C1orf87: variants seen among roughly 807,000 people sequenced by gnomAD.
The protein encoded by C1orf87 is chromosome 1 open reading frame 87.
In C1orf87, 58 loss-of-function variants were observed where a neutral mutation model predicts 60.5. The ratio of observed to expected loss-of-function variants is 0.96; its 90% CI spans 0.78 to 1.19. C1orf87 has a LOEUF of 1.19. Among genes scored for constraint, C1orf87 ranks in the 50% most tolerant of loss-of-function variants. The pLI, the probability that C1orf87 is intolerant of heterozygous loss-of-function variation, is 0.00. For missense variants in C1orf87, 673 were observed against 638.6 expected (o/e 1.05, Z -0.58); for synonymous variants, 236 against 227.4 (o/e 1.04, Z -0.34).
At chr1:60,018,833 C>G (rs754981681) in intron 8 of C1orf87, among the ~76,000 whole-genome samples, 1 of 152,144 alleles carries the variant, frequency 6.6e-6, no homozygotes, top group African/African-American at 2.4e-5. Flanking sequence ...TGGCTCATAA[C>G]CTTTACCCTT....
chr1:60,040,267 G>A, intron 4 of C1orf87, 87 bp from the exon 5 acceptor site: 1 of 1,497,620 alleles, frequency 6.7e-7, no homozygotes, highest in Non-Finnish European at 8.9e-7. Flanking sequence ...CACTGGGGCT[G>A]GTATCTGAGT....
chr1:60,012,212 A>G (rs1645090681), intron 8 of C1orf87, among the ~76,000 whole-genome samples: 1 of 151,942 alleles, frequency 6.6e-6, no homozygotes, highest in South Asian at 2.1e-4. Flanking sequence ...CAACAACAAC[A>G]AAAACCTAGA....
intron 2 of C1orf87, among the ~76,000 whole-genome samples, chr1:60,061,798 AAAAAT>A (rs1645498497): frequency 6.6e-6 from 1 of 150,676 alleles, no homozygotes; most frequent in Non-Finnish European, 1.5e-5. Flanking sequence ...AAAAAAAAAA[AAAAAT>A]AGCTGGGCTT....
chr1:60,069,419 G>A (rs1645569934), intron 2 of C1orf87, among the ~76,000 whole-genome samples: 1 of 152,132 alleles, frequency 6.6e-6, no homozygotes, highest in Admixed American at 6.6e-5. Flanking sequence ...GAGTCAAGTA[G>A]AGTGTGTGAA....
At chr1:60,027,081 T>C (rs1645203471) in intron 7 of C1orf87, among the ~76,000 whole-genome samples, 1 of 152,354 alleles carries the variant, frequency 6.6e-6, no homozygotes, top group South Asian at 2.1e-4. Context: ...CCTGTATTTT[T>C]AGTCACTGTT....
At chr1:60,058,407 A>G (rs868450325) in intron 2 of C1orf87, among the ~76,000 whole-genome samples, 1 of 152,230 alleles carries the variant, frequency 6.6e-6, no homozygotes, top group African/African-American at 2.4e-5. Flanking sequence ...TAAAATTTAC[A>G]TAAGTTATAT....
chr1:60,000,522 A>G lies in C1orf87; in HGVS notation c.1272+555T>C, dbSNP rs1270084702. Among the ~76,000 whole-genome samples, 3 of 152,116 alleles carry G rather than the reference A, an allele frequency of 2.0e-5. No individual in the cohort carries two copies. The East Asian group carries it at 5.8e-4, about 29-fold the overall frequency. On this transcript the variant is annotated intron_variant, in intron 10 of 11. Coordinates refer to ENST00000371201, the MANE Select transcript of C1orf87 (RefSeq NM_152377.3). ...TAATCCGGGCATTTAAAAAACAACAACAGAAAAACTCAGGCTGTTTTTAAA... is the reference window on the plus strand; with the variant it reads ...TAATCCGGGCATTTAAAAAACAACAGCAGAAAAACTCAGGCTGTTTTTAAA...
intron 2 of C1orf87, among the ~76,000 whole-genome samples, chr1:60,061,575 T>C (rs1645496692): frequency 6.6e-6 from 1 of 151,896 alleles, no homozygotes; most frequent in Non-Finnish European, 1.5e-5. Flanking sequence ...TGGAGATGTT[T>C]CTTTTGCACC....
chr1:59,991,916 G>A (rs1429948488), intron 11 of C1orf87, among the ~76,000 whole-genome samples: 1 of 152,158 alleles, frequency 6.6e-6, no homozygotes, highest in Non-Finnish European at 1.5e-5. Context: ...CTGTGCTTGG[G>A]AATACAGAAG....
At chr1:60,037,881 T>C (rs1557470303) in intron 6 of C1orf87, 111 bp downstream of exon 6, 7 of 583,966 alleles carry the variant, frequency 1.2e-5, no homozygotes, top group Non-Finnish European at 2.1e-5. Context: ...GCACTGTGAT[T>C]CATACATTTA....
At chr1:60,023,915 A>G (rs1645181107) in intron 8 of C1orf87, among the ~76,000 whole-genome samples, 1 of 152,174 alleles carries the variant, frequency 6.6e-6, no homozygotes, top group African/African-American at 2.4e-5. Context: ...ACATTATTAC[A>G]CTGGGGTTAC....
chr1:60,049,990 C>T (rs1319888862), intron 3 of C1orf87, among the ~76,000 whole-genome samples: 2 of 152,018 alleles, frequency 1.3e-5, no homozygotes, highest in African/African-American at 4.8e-5. Flanking sequence ...CAAAACCACA[C>T]TATTTTAAAT....
chr1:60,061,301 C>A (rs1645495014), intron 2 of C1orf87, among the ~76,000 whole-genome samples: 1 of 152,044 alleles, frequency 6.6e-6, no homozygotes, highest in Non-Finnish European at 1.5e-5. Context: ...TACAAAGCTT[C>A]CATATACACA....
intron 3 of C1orf87, among the ~76,000 whole-genome samples, chr1:60,043,307 T>G (rs1645340228): frequency 1.3e-5 from 2 of 152,170 alleles, no homozygotes; most frequent in South Asian, 4.2e-4. Context: ...CCCTAGTAAA[T>G]TGTGCAGATA....
intron 2 of C1orf87, among the ~76,000 whole-genome samples, chr1:60,070,651 C>T (rs1288392913): frequency 6.6e-6 from 1 of 152,160 alleles, no homozygotes; most frequent in Admixed American, 6.5e-5. Flanking sequence ...ACACAACAAA[C>T]AAGCAAAATA....
intron 9 of C1orf87, 27 bp downstream of exon 9, chr1:60,010,365 C>T (rs1021926724): frequency 6.2e-7 from 1 of 1,601,744 alleles, no homozygotes; most frequent in Admixed American, 1.7e-5. Context: ...GAAGGTCTCT[C>T]TGGAGCAAAA....
intron 2 of C1orf87, among the ~76,000 whole-genome samples, chr1:60,071,886 A>T (rs1645586543): frequency 6.6e-6 from 1 of 152,192 alleles, no homozygotes; most frequent in South Asian, 2.1e-4. Context: ...TTACTTATGG[A>T]ACGCCTACTA....
chr1:59,993,397 A>G (rs1448402658), intron 11 of C1orf87, among the ~76,000 whole-genome samples: 2 of 152,132 alleles, frequency 1.3e-5, no homozygotes, highest in African/African-American at 2.4e-5. Context: ...AAATTTTACT[A>G]TAGGATAATT....
At chr1:60,061,560 T>G (rs77587339) in intron 2 of C1orf87, among the ~76,000 whole-genome samples, 1,880 of 152,026 alleles carry the variant, frequency 0.012, 52 homozygotes, top group African/African-American at 0.044. Flanking sequence ...ATGTTGCTGC[T>G]CTGCTGGAGA....
Sources: allele counts gnomAD v4.1 joint callset (sites outside exome capture counted in the v4.1 genomes callset), GRCh38; gene constraint gnomAD v4.1.1; transcripts MANE v1.5; gene names NCBI Gene and HGNC (gene_info 2026-07-23, HGNC 2026-07-21).